The following TARS1 variants were observed in gnomAD, a reference collection of about 807,000 sequenced individuals.
TARS1 encodes the protein threonine--tRNA ligase 1, cytoplasmic.
Under a neutral mutation model 97.7 loss-of-function variants are expected in TARS1, and 57 were observed. The ratio of observed to expected loss-of-function variants is 0.58; its 90% CI spans 0.47 to 0.73. The LOEUF is 0.73. Among genes scored for constraint, TARS1 ranks in the 30% least tolerant of loss-of-function variants. TARS1 has a pLI of 0.00. For missense variants in TARS1, 806 were observed against 888.3 expected, an observed-to-expected ratio of 0.91 and a Z score of 1.18; for synonymous variants, 312 against 293.7, an observed-to-expected ratio of 1.06 and a Z score of -0.64.
At chr5:33,460,050 A>G (rs1742219071) in intron 11 of TARS1, 189 bp downstream of exon 11, 2 of 529,548 alleles carry the variant, frequency 3.8e-6, no homozygotes, top group East Asian at 3.3e-5. Context: ...TTTTTTTTAA[A>G]GAGGTCTTCC....
intron 1 of TARS1, among the ~76,000 whole-genome samples, chr5:33,442,770 C>T (rs1741174284): frequency 6.7e-6 from 1 of 149,412 alleles, no homozygotes; most frequent in South Asian, 2.1e-4. Context: ...TCCCAAAGTT[C>T]TTGGATTACA....
Position 33,461,884 on chromosome 5 carries a change from T to C in TARS1, c.1630-22T>C, listed in dbSNP as rs781509712. 7.5e-6 allele frequency: 12 copies of C among 1,604,556 alleles called. No homozygotes were observed. In the South Asian group the frequency reaches 9.9e-5, roughly 13 times the overall value. ...CTTTAGTATCACTGGCATTTTATAA[T>C]AACCCAGTCTTTGCTTCTTAGATTG... On this transcript the variant is annotated intron_variant, in intron 14 of 18. Coordinates refer to ENST00000265112, the MANE Select transcript of TARS1 (RefSeq NM_152295.5).
Position 33,467,993 on chromosome 5 carries a change from T to C in TARS1, c.*285T>C, listed in dbSNP as rs558702444. On this transcript the variant is annotated 3_prime_UTR_variant, in exon 19 of 19. Transcript: ENST00000265112. ...GCTTTAGTGTAATGTGGGAGAACTT[T>C]TTTGTAAATTTAATGCAATTGAAAA... is the stretch of plus-strand genomic sequence containing the variant. The C allele has an allele frequency of 6.2e-5, 17 of 273,610 alleles. No individual in the cohort carries two copies. The highest frequency in any genetic ancestry group is 3.1e-4 in the African/African-American group (14 of 45,690). The allele number at this position is 273,610 out of a possible 1,614,324, so 16.9% of individuals were successfully genotyped here.
intron 16 of TARS1, among the ~76,000 whole-genome samples, chr5:33,462,441 T>C (rs904054508): frequency 8.5e-5 from 13 of 152,260 alleles, no homozygotes; most frequent in African/African-American, 3.1e-4. Flanking sequence ...TTGGATGTTG[T>C]GTAATACTTT....
chr5:33,467,678 C>T lies in TARS1; in HGVS notation c.2142C>T (p.Phe714=). 2 of 1,612,944 alleles carry T rather than the reference C, an allele frequency of 1.2e-6. No individual in the cohort carries two copies. The highest frequency in any genetic ancestry group is 8.5e-7 in the Non-Finnish European group (1 of 1,179,594). ...TIERLQQLKE[F]RSKQAEEEF Reference sequence around the variant, plus strand: ...AGCGGCTACAGCAGCTCAAAGAGTTCCGCAGCAAACAGGCAGAAGAAGAAT... The same window carrying T: ...AGCGGCTACAGCAGCTCAAAGAGTTTCGCAGCAAACAGGCAGAAGAAGAAT... The change falls in exon 19 of 19, where the codon TTC becomes TTT. Residue 714 remains phenylalanine, a synonymous_variant. Coordinates refer to ENST00000265112, the MANE Select transcript of TARS1 (RefSeq NM_152295.5).
Position 33,443,712 on chromosome 5 carries a change from G to C in TARS1, c.58-1612G>C, listed in dbSNP as rs191274381. Among the ~76,000 whole-genome samples the C allele has an allele frequency of 4.9e-3, 740 of 152,064 alleles. 6 individuals are homozygous for C. Among genetic ancestry groups the C allele is most frequent in the African/African-American group, 0.017 (699 of 41,514 alleles). ...GGGTTTCACCGTGTTAGCCAGGATG[G>C]TCTCGATCTCCTGACCTCGTGATCT... On this transcript the variant is annotated intron_variant, in intron 1 of 18. Transcript: ENST00000265112.
At position 33,442,320 on chromosome 5, in the gene TARS1, CTTT is replaced by C. The variant is rs763508345; in HGVS notation, c.57+1197_57+1199del. On this transcript the variant is annotated intron_variant, in intron 1 of 18. Transcript: ENST00000265112. Reference sequence around the variant, plus strand: ...AAATGATATTTTTACTGTTTTGTAACTTTTTTTTTTTTTTTTTTTTTTGCTTAA... The same window carrying C: ...AAATGATATTTTTACTGTTTTGTAACTTTTTTTTTTTTTTTTTTTGCTTAA... Among the ~76,000 whole-genome samples the C allele has an allele frequency of 5.2e-3, 543 of 104,600 alleles. 2 individuals carry two copies. The highest frequency in any genetic ancestry group is 0.016 in the African/African-American group (442 of 27,966). The allele number at this position is 104,600 out of a possible 152,430, so 68.6% of individuals were successfully genotyped here.
At chr5:33,453,449 G>A (rs1741852247) in intron 4 of TARS1, 37 bp downstream of exon 4, 7 of 1,609,972 alleles carry the variant, frequency 4.3e-6, no homozygotes, top group East Asian at 2.2e-5. Flanking sequence ...ATTTTAGGAT[G>A]CAGATTCACA....
chr5:33,454,811 A>G (rs1741930237), intron 4 of TARS1, 134 bp from the exon 5 acceptor site: 1 of 1,123,622 alleles, frequency 8.9e-7, no homozygotes, highest in South Asian at 2.0e-5. Context: ...TAGTTTATAG[A>G]TTTAGAAATT....
rs1742195731 is a variant in TARS1 at position 33,459,625 on chromosome 5, T to C, written c.1084-70T>C. ...CATGAGAGAGTATAAAATCACTCTT[T>C]AAGTTTTTACTCCCACTTGAAGTAT... On this transcript the variant is annotated intron_variant, in intron 10 of 18. Coordinates refer to ENST00000265112, the MANE Select transcript of TARS1 (RefSeq NM_152295.5). 5.8e-6 allele frequency: 9 copies of C among 1,561,174 alleles called. No homozygotes were observed. The South Asian group carries it at 1.0e-4, about 18-fold the overall frequency.
chr5:33,462,126 A>G lies in TARS1; in HGVS notation c.1758A>G (p.Pro586=). ...ATGATGGTGATGATAAGAAAAGGCC[A>G]GTGATTGTTCATCGAGCCATCTTGG... ...VSHDGDDKKR[P]VIVHRAILGS... The change falls in exon 16 of 19, where the codon CCA becomes CCG. Residue 586 remains proline, a synonymous_variant. Transcript: ENST00000265112. 1 of 1,613,142 alleles carries G rather than the reference A, an allele frequency of 6.2e-7. No individual in the cohort carries two copies. Among genetic ancestry groups the G allele is most frequent in the Non-Finnish European group, 8.5e-7 (1 of 1,179,812 alleles).
chr5:33,445,330 G>T lies in TARS1; in HGVS notation c.64G>T (p.Ala22Ser). 6.2e-7 allele frequency: 1 copy of T among 1,611,628 alleles called. No homozygotes were observed. ...ACGTTTTTTGCTTATTTAGATTGGT[G>T]CTGGTGAAGAGAAGCAAAAGGAAGG... ...KMGGEEKPIG[A>S]GEEKQKEGGK... The change falls in exon 2 of 19, where the codon GCT (alanine) becomes TCT (serine). Residue 22 changes from alanine (A) to serine (S), a missense_variant. Ala to Ser is a moderately conservative substitution (Grantham distance 99, BLOSUM62 1). Around this residue, in one of 3 missense-constraint regions of TARS1, gnomAD observed 356 missense variants for 357.8 expected, o/e 0.99. Coordinates refer to ENST00000265112, the MANE Select transcript of TARS1 (RefSeq NM_152295.5).
At position 33,455,489 on chromosome 5, in the gene TARS1, C is replaced by T. The variant is rs919254889; in HGVS notation, c.576-98C>T. On this transcript the variant is annotated intron_variant, in intron 5 of 18. Coordinates refer to ENST00000265112, the MANE Select transcript of TARS1 (RefSeq NM_152295.5). ...ATAGTCTAATTTTTTAATATTAAAACCCTTGAAGTATTCCAAATACTATTT... is the reference window on the plus strand; with the variant it reads ...ATAGTCTAATTTTTTAATATTAAAATCCTTGAAGTATTCCAAATACTATTT... 11 of 724,952 alleles carry T rather than the reference C, an allele frequency of 1.5e-5. No homozygotes were observed. In the African/African-American group the frequency reaches 1.9e-4, roughly 13 times the overall value. The allele number at this position is 724,952 out of a possible 1,614,324, so 44.9% of individuals were successfully genotyped here. A position where few individuals can be genotyped will look rare whatever the true frequency, so the allele number is the denominator to read the frequency against.
chr5:33,461,988 T>A lies in TARS1; in HGVS notation c.1712T>A (p.Phe571Tyr), dbSNP rs767871535. 4.3e-6 allele frequency: 7 copies of A among 1,613,940 alleles called. No individual in the cohort carries two copies. Among genetic ancestry groups the A allele is most frequent in the Non-Finnish European group, 5.9e-6 (7 of 1,179,830 alleles). Residue 571 changes from phenylalanine (F) to tyrosine (Y), a missense_variant, in exon 15 of 19, where the codon TTT (phenylalanine) becomes TAT (tyrosine). Coordinates refer to ENST00000265112, the MANE Select transcript of TARS1 (RefSeq NM_152295.5). ...CTGGATTTCCAGTTGCCCATCAGAT[T>A]TAATCTTACTTATGTAAGGTGAGTT... The part of the protein sequence containing the change: ...IQLDFQLPIR[F>Y]NLTYVSHDGD...
rs1561081495 is a variant in TARS1, at chr5:33,467,541, CT to C, written c.2024-16del. 3 of 1,605,824 alleles carry C rather than the reference CT, an allele frequency of 1.9e-6. No homozygotes were observed. Among genetic ancestry groups the C allele is most frequent in the Admixed American group, 1.7e-5 (1 of 58,396 alleles). On this transcript the variant is annotated intron_variant, in intron 18 of 18. Transcript: ENST00000265112. ...TATCTTTAGATTAAGTCTGACAAAG[CT>C]TTGTGTGTTTGTTTTAGTTGTTGGT...
At chr5:33,463,716 C>T (rs769114807) in intron 16 of TARS1, 37 bp from the exon 17 acceptor site, 5 of 1,536,248 alleles carry the variant, frequency 3.3e-6, no homozygotes, top group Non-Finnish European at 3.6e-6. Flanking sequence ...GTGAATATGC[C>T]CACATCTACA....
At chr5:33,467,500 A>G in intron 18 of TARS1, 60 bp from the exon 19 acceptor site, 1 of 1,563,908 alleles carries the variant, frequency 6.4e-7, no homozygotes, top group Admixed American at 1.9e-5. Context: ...TCAGATGTTC[A>G]GTGTGAATTC....
chr5:33,442,027 G>T (rs1191803816), intron 1 of TARS1, among the ~76,000 whole-genome samples: 2 of 152,188 alleles, frequency 1.3e-5, no homozygotes, highest in African/African-American at 4.8e-5. Flanking sequence ...CAGGAAGATT[G>T]TATTTGTAAA....
rs1202466511 is a variant in TARS1 at position 33,457,409 on chromosome 5, T to TTCAA, written c.984+7_984+10dup. ...ATCATAGGAAAATTGGCAGGGTATG[T>TTCAA]TCAAGAACAATGATGTGTCTTGACT... On this transcript the variant is annotated splice_region_variant and intron_variant, in intron 9 of 18. Coordinates refer to ENST00000265112, the MANE Select transcript of TARS1 (RefSeq NM_152295.5). The TTCAA allele has an allele frequency of 6.2e-7, 1 of 1,613,794 alleles. No homozygotes were observed. Among genetic ancestry groups the TTCAA allele is most frequent in the East Asian group, 2.2e-5 (1 of 44,854 alleles).
Sources: allele counts gnomAD v4.1 joint callset (sites outside exome capture counted in the v4.1 genomes callset), GRCh38; gene constraint gnomAD v4.1.1; regional missense constraint gnomAD v4.1.1; transcripts MANE v1.5; gene names NCBI Gene and HGNC (gene_info 2026-07-23, HGNC 2026-07-21).